KCNIP4: variants seen among roughly 807,000 people sequenced by gnomAD.
The protein encoded by KCNIP4 is Kv channel-interacting protein 4.
KCNIP4 carries 12 observed loss-of-function variants against 34.0 expected under a neutral mutation model. The observed-to-expected ratio is 0.35, with a 90% CI of 0.23 to 0.57. The LOEUF is 0.57. KCNIP4 is among the 20% of genes least tolerant of loss of function. KCNIP4 has a pLI of 0.83. For synonymous variants in KCNIP4, 124 were observed against 102.2 expected (o/e 1.21, Z -1.29); for missense variants, 238 against 311.7 (o/e 0.76, Z 1.78).
chr4:21,251,014 T>C (rs1366849567), intron 1 of KCNIP4, among the ~76,000 whole-genome samples: 1 of 151,948 alleles, frequency 6.6e-6, no homozygotes, highest in Non-Finnish European at 1.5e-5. Context: ...CATGTAAAAG[T>C]ACACATATAC....
chr4:21,439,718 C>T (rs984557804), intron 1 of KCNIP4, among the ~76,000 whole-genome samples: 3 of 151,096 alleles, frequency 2.0e-5, no homozygotes, highest in Admixed American at 1.3e-4. Context: ...GGAATCGAGA[C>T]AGCCATTTTA....
intron 1 of KCNIP4, among the ~76,000 whole-genome samples, chr4:21,547,176 C>A (rs1446642286): frequency 1.3e-5 from 2 of 152,006 alleles, no homozygotes; most frequent in Non-Finnish European, 2.9e-5. Context: ...AGAACCCAGT[C>A]TAGATCAGCT....
At position 21,676,066 on chromosome 4, in the gene KCNIP4, T is replaced by G. The variant is rs141340762; in HGVS notation, c.61+272505A>C. On this transcript the variant is annotated intron_variant, in intron 1 of 8. Transcript: ENST00000382152. ...TGGAGCATAAAGAAACGCAATAAAC[T>G]TGGTCTCCTTAGGTCTCAGGTTTCT... Among the ~76,000 whole-genome samples the G allele has an allele frequency of 6.2e-3, 950 of 152,248 alleles. 14 individuals carry two copies. Among genetic ancestry groups the G allele is most frequent in the African/African-American group, 0.021 (891 of 41,532 alleles).
intron 1 of KCNIP4, among the ~76,000 whole-genome samples, chr4:21,907,409 C>A (rs1288098360): frequency 7.2e-5 from 11 of 152,288 alleles, no homozygotes; most frequent in African/African-American, 2.6e-4. Flanking sequence ...CTTGGACTTT[C>A]TAGCCTCCAG....
intron 1 of KCNIP4, among the ~76,000 whole-genome samples, chr4:21,543,097 T>C (rs1165027003): frequency 6.6e-6 from 1 of 152,028 alleles, no homozygotes; most frequent in Non-Finnish European, 1.5e-5. Context: ...GTATATAATA[T>C]TACAAATAAT....
intron 1 of KCNIP4, among the ~76,000 whole-genome samples, chr4:20,924,018 A>G (rs1222083125): frequency 6.6e-6 from 1 of 152,144 alleles, no homozygotes; most frequent in African/African-American, 2.4e-5. Flanking sequence ...AGAGAGTACC[A>G]CATATGATTT....
intron 1 of KCNIP4, among the ~76,000 whole-genome samples, chr4:20,899,505 A>C (rs1219005278): frequency 6.6e-6 from 1 of 152,210 alleles, no homozygotes; most frequent in East Asian, 1.9e-4. Flanking sequence ...GTTTTCTGAT[A>C]TCTTCTTATC....
chr4:21,105,300 G>T (rs1374594921), intron 1 of KCNIP4, among the ~76,000 whole-genome samples: 1 of 151,562 alleles, frequency 6.6e-6, no homozygotes, highest in Non-Finnish European at 1.5e-5. Flanking sequence ...TCTCCTTGAA[G>T]AGGTCCTTCA....
At position 20,734,628 on chromosome 4, in the gene KCNIP4, C is replaced by T. The variant is rs754680098; in HGVS notation, c.537G>A (p.Glu179=). 2 of 1,416,334 alleles carry T rather than the reference C, an allele frequency of 1.4e-6. No individual in the cohort carries two copies. Among genetic ancestry groups the T allele is most frequent in the South Asian group, 1.3e-5 (1 of 74,808 alleles). 87.7% of individuals were successfully genotyped at this position (1,416,334 alleles called of 1,614,324 possible). ...GTGATGTTGGTGAGGCATCCCTTACCTCTTTAGTGATGTAGCCATCTTTAT... is the reference window on the plus strand; with the variant it reads ...GTGATGTTGGTGAGGCATCCCTTACTTCTTTAGTGATGTAGCCATCTTTAT... ...DINKDGYITK[E]EMLDIMKAIY... Residue 179 remains glutamate, a splice_region_variant and synonymous_variant, in exon 6 of 9, where the codon GAG becomes GAA. Coordinates refer to ENST00000382152, the MANE Select transcript of KCNIP4 (RefSeq NM_025221.6).
intron 1 of KCNIP4, among the ~76,000 whole-genome samples, chr4:21,781,175 C>T (rs1176198534): frequency 6.6e-6 from 1 of 152,150 alleles, no homozygotes; most frequent in African/African-American, 2.4e-5. Context: ...ATGCTGTTCT[C>T]ATGATAGTGA....
At chr4:20,784,634 T>C (rs1711702620) in intron 3 of KCNIP4, among the ~76,000 whole-genome samples, 1 of 152,186 alleles carries the variant, frequency 6.6e-6, no homozygotes, top group African/African-American at 2.4e-5. Context: ...TTTTTTTTCT[T>C]GTATTATTTC....
chr4:21,102,030 G>A (rs1253167024), intron 1 of KCNIP4, among the ~76,000 whole-genome samples: 1 of 152,124 alleles, frequency 6.6e-6, no homozygotes, highest in Non-Finnish European at 1.5e-5. Context: ...ACAAGAATGA[G>A]CCTGGTGATT....
At chr4:21,663,292 C>A (rs1410842077) in intron 1 of KCNIP4, among the ~76,000 whole-genome samples, 1 of 152,036 alleles carries the variant, frequency 6.6e-6, no homozygotes, top group Non-Finnish European at 1.5e-5. Context: ...GTGATTGTGG[C>A]CTTCTTTTTT....
intron 1 of KCNIP4, among the ~76,000 whole-genome samples, chr4:21,267,447 C>G (rs906822875): frequency 1.1e-4 from 17 of 151,250 alleles, no homozygotes; most frequent in Non-Finnish European, 2.2e-4. Context: ...GGGAATGCTT[C>G]CAGTTTTTGC....
intron 1 of KCNIP4, among the ~76,000 whole-genome samples, chr4:20,999,793 T>G (rs1009102617): frequency 6.6e-6 from 1 of 151,894 alleles, no homozygotes; most frequent in African/African-American, 2.4e-5. Flanking sequence ...GAAAAAAAAA[T>G]ACCATTTCTA....
intron 1 of KCNIP4, among the ~76,000 whole-genome samples, chr4:21,824,878 G>A (rs1722580827): frequency 6.6e-6 from 1 of 152,092 alleles, no homozygotes; most frequent in African/African-American, 2.4e-5. Flanking sequence ...AGGCCATGCT[G>A]TCCCCATCCA....
intron 1 of KCNIP4, among the ~76,000 whole-genome samples, chr4:21,688,799 A>G (rs897149832): frequency 7.9e-5 from 12 of 151,300 alleles, no homozygotes; most frequent in African/African-American, 2.9e-4. Context: ...CCTACAAATA[A>G]TCCCACTAAT....
intron 1 of KCNIP4, among the ~76,000 whole-genome samples, chr4:21,404,004 G>A (rs1391863826): frequency 6.6e-6 from 1 of 152,156 alleles, no homozygotes. Flanking sequence ...GAATTTTGAA[G>A]ACACACAGGC....
At chr4:21,269,873 T>C (rs1198851374) in intron 1 of KCNIP4, among the ~76,000 whole-genome samples, 1 of 152,160 alleles carries the variant, frequency 6.6e-6, no homozygotes, top group Non-Finnish European at 1.5e-5. Flanking sequence ...ACAATTCTCA[T>C]TACCTGTATG....
Sources: gnomAD v4.1 joint callset for allele counts (sites outside exome capture counted in the v4.1 genomes callset) on GRCh38, gnomAD v4.1.1 for gene constraint, MANE v1.5 for transcripts, NCBI Gene and HGNC (gene_info 2026-07-23, HGNC 2026-07-21) for gene names.